RASSF3: variants seen among roughly 807,000 people sequenced by gnomAD.
The protein encoded by RASSF3 is Ras association domain family member 3.
Under a neutral mutation model 19.9 loss-of-function variants are expected in RASSF3, and 19 were observed. The ratio of observed to expected loss-of-function variants is 0.96; its 90% CI spans 0.67 to 1.40. The LOEUF is 1.40. RASSF3 is among the 40% of genes most tolerant of loss of function. RASSF3 has a pLI of 0.00. For synonymous variants in RASSF3, 110 were observed against 104.2 expected (o/e 1.06, Z -0.34); for missense variants, 306 against 289.8 (o/e 1.06, Z -0.41).
intron 1 of RASSF3, among the ~76,000 whole-genome samples, chr12:64,678,997 C>T (rs568259848): frequency 1.3e-5 from 2 of 152,222 alleles, no homozygotes; most frequent in East Asian, 3.9e-4. Flanking sequence ...GTCCACAGGC[C>T]GTCACTAAGC....
At chr12:64,668,134 G>A (rs1314741444) in intron 1 of RASSF3, among the ~76,000 whole-genome samples, 1 of 152,112 alleles carries the variant, frequency 6.6e-6, no homozygotes, top group Non-Finnish European at 1.5e-5. Context: ...GGGATTCCTG[G>A]GAGGGTTACC....
At chr12:64,592,201 T>C (rs1869937081) in intron 2 of RASSF3, among the ~76,000 whole-genome samples, 2 of 152,150 alleles carry the variant, frequency 1.3e-5, no homozygotes, top group South Asian at 4.1e-4. Context: ...ACATCAGCTA[T>C]TCTGTTGCTT....
chr12:64,519,351 G>C (rs910303395), intron 1 of RASSF3, among the ~76,000 whole-genome samples: 1 of 152,188 alleles, frequency 6.6e-6, no homozygotes, highest in Non-Finnish European at 1.5e-5. Flanking sequence ...TGGTTGCAGT[G>C]AGCCAAGATC....
upstream of RASSF3, among the ~76,000 whole-genome samples, chr12:64,529,670 T>C (rs1868664259): frequency 6.6e-6 from 1 of 152,198 alleles, no homozygotes; most frequent in African/African-American, 2.4e-5. Flanking sequence ...ATGTAGTCTA[T>C]CACTATACTT....
intron 1 of RASSF3, among the ~76,000 whole-genome samples, chr12:64,680,683 G>A (rs1283678774): frequency 1.3e-5 from 2 of 151,706 alleles, no homozygotes; most frequent in African/African-American, 4.8e-5. Flanking sequence ...GCGTGATCTC[G>A]GCTTACTGCG....
intron 2 of RASSF3, among the ~76,000 whole-genome samples, chr12:64,571,156 A>T (rs1869512163): frequency 6.6e-6 from 1 of 152,110 alleles, no homozygotes; most frequent in Admixed American, 6.6e-5. Flanking sequence ...GGTTACAGAG[A>T]GCCGAGATCG....
intron 1 of RASSF3, among the ~76,000 whole-genome samples, chr12:64,656,197 G>A (rs1172533282): frequency 1.3e-5 from 2 of 152,120 alleles, no homozygotes; most frequent in South Asian, 2.1e-4. Context: ...TAGTGGATGT[G>A]TTTATTGGAC....
At chr12:64,694,066 T>C (rs1316914250) in intron 4 of RASSF3, among the ~76,000 whole-genome samples, 3 of 151,952 alleles carry the variant, frequency 2.0e-5, no homozygotes, top group African/African-American at 7.2e-5. Context: ...GGAGAATGCG[T>C]GCCACTTGGG....
Position 64,688,261 on chromosome 12 carries a change from C to G in RASSF3, c.265C>G (p.Leu89Val). 1.9e-6 allele frequency: 3 copies of G among 1,614,134 alleles called. No individual in the cohort carries two copies. Among genetic ancestry groups the G allele is most frequent in the Non-Finnish European group, 2.5e-6 (3 of 1,179,970 alleles). ...YTGFIKVQME[L>V]CKPPQTSPNS... ...TGGCTTCATTAAAGTACAGATGGAA[C>G]TCTGCAAACCTCCACAGACTTCTCC... is the stretch of plus-strand genomic sequence containing the variant. The change falls in exon 3 of 5, where the codon CTC becomes GTC. Residue 89 changes from leucine (L) to valine (V), a missense_variant. Coordinates refer to ENST00000542104, the MANE Select transcript of RASSF3 (RefSeq NM_178169.4).
At chr12:64,594,595 T>G (rs983360254) in intron 2 of RASSF3, among the ~76,000 whole-genome samples, 8 of 152,152 alleles carry the variant, frequency 5.3e-5, no homozygotes. Context: ...ATTTCCAACA[T>G]GCTGCTATAA....
At chr12:64,528,936 C>T (rs1868647141), upstream of RASSF3, among the ~76,000 whole-genome samples, 1 of 152,246 alleles carries the variant, frequency 6.6e-6, no homozygotes, top group Non-Finnish European at 1.5e-5. Context: ...TGACCTTGGG[C>T]AGGTTACTCA....
intron 1 of RASSF3, among the ~76,000 whole-genome samples, chr12:64,622,303 G>A (rs895799046): frequency 2.7e-5 from 4 of 148,206 alleles, no homozygotes; most frequent in South Asian, 2.1e-4. Context: ...CTCGTTATCC[G>A]CCTGCCTTGG....
intron 1 of RASSF3, among the ~76,000 whole-genome samples, chr12:64,508,091 C>CT (rs1380672188): frequency 9.9e-5 from 15 of 152,198 alleles, no homozygotes; most frequent in Admixed American, 9.8e-4. Context: ...CATTATGTTT[C>CT]TTTCACACCC....
intron 2 of RASSF3, among the ~76,000 whole-genome samples, chr12:64,559,419 T>TTTG (rs56226235): frequency 1.8e-4 from 27 of 149,134 alleles, no homozygotes; most frequent in African/African-American, 5.2e-4. Flanking sequence ...AATTGTTGTT[T>TTTG]TTGTTGTTGT....
At chr12:64,677,860 A>T (rs1192016123) in intron 1 of RASSF3, among the ~76,000 whole-genome samples, 1 of 152,232 alleles carries the variant, frequency 6.6e-6, no homozygotes, top group Non-Finnish European at 1.5e-5. Context: ...AATCTAGTTT[A>T]GGAGCATCTA....
intron 1 of RASSF3, 48 bp downstream of exon 1, chr12:64,610,791 G>C (rs959748537): frequency 3.8e-6 from 5 of 1,322,646 alleles, no homozygotes; most frequent in Non-Finnish European, 5.2e-6. Context: ...AGAGTTCCGG[G>C]GAACCCGCCA....
chr12:64,659,152 T>A (rs1872256913), intron 1 of RASSF3, among the ~76,000 whole-genome samples: 1 of 152,200 alleles, frequency 6.6e-6, no homozygotes, highest in South Asian at 2.1e-4. Flanking sequence ...CATTCCATGG[T>A]CCTGCCTGTG....
intron 1 of RASSF3, among the ~76,000 whole-genome samples, chr12:64,641,658 T>A (rs1871536525): frequency 6.6e-6 from 1 of 151,108 alleles, no homozygotes; most frequent in South Asian, 2.1e-4. Context: ...TTTTTTTAAG[T>A]TACTGACTCC....
intron 1 of RASSF3, among the ~76,000 whole-genome samples, chr12:64,674,759 G>C (rs1872821354): frequency 6.6e-6 from 1 of 152,088 alleles, no homozygotes; most frequent in Non-Finnish European, 1.5e-5. Flanking sequence ...TCCTGGGTGG[G>C]GTGGGCCTTG....
Sources: allele counts gnomAD v4.1 joint callset (sites outside exome capture counted in the v4.1 genomes callset), GRCh38; gene constraint gnomAD v4.1.1; transcripts MANE v1.5; gene names NCBI Gene and HGNC (gene_info 2026-07-23, HGNC 2026-07-21).